KCNH7: variants seen among roughly 807,000 people sequenced by gnomAD.
The protein encoded by KCNH7 is potassium voltage-gated channel subfamily H member 7.
In KCNH7, 49 loss-of-function variants were observed where a neutral mutation model predicts 120.8. That is an observed-to-expected ratio of 0.41 (90% confidence interval 0.32 to 0.51). The LOEUF (loss-of-function observed/expected upper bound fraction) is 0.51. Ranked by LOEUF, KCNH7 falls within the 20% of genes least tolerant of loss-of-function variation. The pLI is 0.38. For missense variants in KCNH7, 1,097 were observed against 1,446.6 expected (o/e 0.76, Z 3.92); for synonymous variants, 547 against 516.1 (o/e 1.06, Z -0.81).
intron 2 of KCNH7, among the ~76,000 whole-genome samples, chr2:162,578,580 G>T (rs567542043): frequency 6.6e-6 from 1 of 152,136 alleles, no homozygotes; most frequent in African/African-American, 2.4e-5. Context: ...GGAAGCCAGG[G>T]CTGAAGCTTA....
chr2:162,386,574 A>G (rs1686579059), intron 12 of KCNH7, among the ~76,000 whole-genome samples: 1 of 151,798 alleles, frequency 6.6e-6, no homozygotes, highest in Non-Finnish European at 1.5e-5. Flanking sequence ...AGATATTTGA[A>G]TCAGCTCAGG....
chr2:162,584,731 G>A (rs1693972102), intron 2 of KCNH7, among the ~76,000 whole-genome samples: 1 of 151,954 alleles, frequency 6.6e-6, no homozygotes, highest in Non-Finnish European at 1.5e-5. Context: ...GCTGTTGCAA[G>A]ATTATGCTTT....
chr2:162,796,675 T>C (rs1382263072), intron 2 of KCNH7: 1 of 152,076 alleles, frequency 6.6e-6, no homozygotes. Context: ...AGCAGCTATG[T>C]GGAGCATCTT....
intron 2 of KCNH7, among the ~76,000 whole-genome samples, chr2:162,628,114 A>T (rs1683623491): frequency 6.6e-6 from 1 of 152,172 alleles, no homozygotes; most frequent in Admixed American, 6.5e-5. Flanking sequence ...AGGAAAATAC[A>T]TTGTTTTCTT....
chr2:162,519,146 A>G (rs575872563), intron 3 of KCNH7, among the ~76,000 whole-genome samples: 3 of 151,906 alleles, frequency 2.0e-5, no homozygotes, highest in Non-Finnish European at 4.4e-5. Context: ...AGATTGCTGC[A>G]AACTCTTTGG....
Position 162,517,974 on chromosome 2 carries a change from T to A in KCNH7, c.648A>T (p.Thr216=), listed in dbSNP as rs1212329827. 3 of 1,612,540 alleles carry A rather than the reference T, an allele frequency of 1.9e-6. No homozygotes were observed. Among genetic ancestry groups the A allele is most frequent in the Non-Finnish European group, 2.5e-6 (3 of 1,178,926 alleles). ...ATTTGCTGGGCTGTATCAAAGCTTT[T>A]GTGTCATCTGCTTCAGAGGGGCTGC... ...ESCSPSEADD[T]KALIQPSKCS... The change falls in exon 4 of 16, where the codon ACA becomes ACT. Residue 216 remains threonine (T), a synonymous_variant. Transcript: ENST00000332142.
chr2:162,400,802 G>A (rs1054681981), intron 9 of KCNH7, among the ~76,000 whole-genome samples: 9 of 151,980 alleles, frequency 5.9e-5, no homozygotes, highest in Admixed American at 2.0e-4. Flanking sequence ...CTAATGAAAG[G>A]TGGTACAACT....
intron 2 of KCNH7, among the ~76,000 whole-genome samples, chr2:162,606,503 A>C (rs985411207): frequency 6.6e-6 from 1 of 152,158 alleles, no homozygotes; most frequent in South Asian, 2.1e-4. Context: ...ATTTTATTCA[A>C]CTCGCTGTTT....
intron 2 of KCNH7, among the ~76,000 whole-genome samples, chr2:162,641,530 C>G (rs1340896262): frequency 6.6e-6 from 1 of 150,970 alleles, no homozygotes; most frequent in Admixed American, 6.6e-5. Context: ...GCCTCCTCAA[C>G]ATAGTGAGAC....
chr2:162,736,367 G>C (rs985143139), intron 2 of KCNH7, among the ~76,000 whole-genome samples: 2 of 152,160 alleles, frequency 1.3e-5, no homozygotes, highest in Non-Finnish European at 2.9e-5. Flanking sequence ...TTACAAAGGA[G>C]CTTCAAAAAT....
chr2:162,676,038 T>C (rs182445650), intron 2 of KCNH7, among the ~76,000 whole-genome samples: 12 of 151,588 alleles, frequency 7.9e-5, no homozygotes, highest in Admixed American at 2.0e-4. Flanking sequence ...GGGACAGAGA[T>C]GGTTTGATAA....
At chr2:162,759,410 G>A (rs758562787) in intron 2 of KCNH7, among the ~76,000 whole-genome samples, 1 of 152,006 alleles carries the variant, frequency 6.6e-6, no homozygotes, top group Non-Finnish European at 1.5e-5. Context: ...CAGCAGAAAG[G>A]TCATCTTTCA....
intron 2 of KCNH7, among the ~76,000 whole-genome samples, chr2:162,580,670 G>C (rs186286212): frequency 6.6e-5 from 10 of 152,120 alleles, no homozygotes; most frequent in Admixed American, 6.5e-4. Context: ...TTAATTATTT[G>C]GGTTAAAAGA....
chr2:162,560,361 T>C (rs1208486545), intron 2 of KCNH7, among the ~76,000 whole-genome samples: 1 of 152,084 alleles, frequency 6.6e-6, no homozygotes, highest in Non-Finnish European at 1.5e-5. Context: ...AACTGTAACA[T>C]CGGAACAGGA....
chr2:162,804,202 C>A (rs749224912), intron 2 of KCNH7, among the ~76,000 whole-genome samples: 4 of 151,760 alleles, frequency 2.6e-5, no homozygotes, highest in Non-Finnish European at 5.9e-5. Flanking sequence ...CCACTTTCAC[C>A]ACTTCTATTC....
chr2:162,725,832 G>A (rs1277608460), intron 2 of KCNH7, among the ~76,000 whole-genome samples: 1 of 152,088 alleles, frequency 6.6e-6, no homozygotes, highest in African/African-American at 2.4e-5. Context: ...ATCAACTCAT[G>A]GGTAACTTTC....
chr2:162,459,378 G>A (rs1689076699), intron 6 of KCNH7, among the ~76,000 whole-genome samples: 1 of 152,168 alleles, frequency 6.6e-6, no homozygotes, highest in Non-Finnish European at 1.5e-5. Flanking sequence ...GACAGCTGTT[G>A]TGGACCAAAA....
At chr2:162,724,259 C>G (rs1687433711) in intron 2 of KCNH7, among the ~76,000 whole-genome samples, 1 of 152,140 alleles carries the variant, frequency 6.6e-6, no homozygotes, top group South Asian at 2.1e-4. Flanking sequence ...ATACTTAAAA[C>G]CACAGAAAGT....
chr2:162,711,455 A>G (rs551107036), intron 2 of KCNH7, among the ~76,000 whole-genome samples: 1 of 152,346 alleles, frequency 6.6e-6, no homozygotes, highest in African/African-American at 2.4e-5. Context: ...CATTTGAAAG[A>G]CTTCTGCAAC....
Sources: gnomAD v4.1 joint callset for allele counts (sites outside exome capture counted in the v4.1 genomes callset) on GRCh38, gnomAD v4.1.1 for gene constraint, MANE v1.5 for transcripts, NCBI Gene and HGNC (gene_info 2026-07-23, HGNC 2026-07-21) for gene names.